Variants in CCBE1 observed in about 807,000 individuals in gnomAD.
CCBE1 encodes the protein collagen and calcium binding EGF domains 1.
In CCBE1, 37 loss-of-function variants were observed where a neutral mutation model predicts 50.0. That is an observed-to-expected ratio of 0.74 (90% CI 0.57 to 0.97). The LOEUF is 0.97. Among genes scored for constraint, CCBE1 ranks in the 50% least tolerant of loss-of-function variants. CCBE1 has a pLI of 0.00. For synonymous variants in CCBE1, 234 were observed against 203.7 expected (o/e 1.15, Z -1.27); for missense variants, 538 against 523.8 (o/e 1.03, Z -0.26).
intron 2 of CCBE1, among the ~76,000 whole-genome samples, chr18:59,509,069 G>A (rs981058490): frequency 6.6e-6 from 1 of 152,116 alleles, no homozygotes; most frequent in Non-Finnish European, 1.5e-5. Flanking sequence ...CTGGTTCTGA[G>A]AGCAAGCAGA....
At chr18:59,561,827 C>T (rs1373574199) in intron 2 of CCBE1, among the ~76,000 whole-genome samples, 1 of 152,156 alleles carries the variant, frequency 6.6e-6, no homozygotes, top group East Asian at 1.9e-4. Context: ...GTGAGGGCGG[C>T]CAGCTCAAGC....
intron 2 of CCBE1, among the ~76,000 whole-genome samples, chr18:59,665,594 G>A (rs2054342973): frequency 6.6e-6 from 1 of 152,138 alleles, no homozygotes; most frequent in Non-Finnish European, 1.5e-5. Context: ...AAACAACTGG[G>A]TATGACTTCA....
chr18:59,578,186 C>G (rs2053027672), intron 2 of CCBE1, among the ~76,000 whole-genome samples: 1 of 152,106 alleles, frequency 6.6e-6, no homozygotes, highest in African/African-American at 2.4e-5. Flanking sequence ...ATGCAGCCAA[C>G]AAACATGAGA....
chr18:59,448,086 G>A lies in CCBE1; in HGVS notation c.672C>T (p.Asn224=). The change falls in exon 7 of 11, where the codon AAC becomes AAT. Residue 224 remains asparagine, a synonymous_variant. Transcript: ENST00000439986. ...TATACTTGCCCAGGTCAGCTGCATT[G>A]TTGGGGAGCAGAGCAATCTGCAAGG... ...QLKQKIALLP[N]NAADLGKYIT... 8 of 1,614,132 alleles carry A rather than the reference G, an allele frequency of 5.0e-6. No homozygotes were observed. Among genetic ancestry groups the A allele is most frequent in the Non-Finnish European group, 6.8e-6 (8 of 1,180,040 alleles).
chr18:59,563,349 T>C (rs2052770800), intron 2 of CCBE1, among the ~76,000 whole-genome samples: 2 of 152,268 alleles, frequency 1.3e-5, no homozygotes, highest in South Asian at 4.1e-4. Context: ...TTGCTACTTG[T>C]GCATTCATTT....
chr18:59,447,083 G>T (rs898701053), intron 7 of CCBE1, among the ~76,000 whole-genome samples: 1 of 152,068 alleles, frequency 6.6e-6, no homozygotes, highest in African/African-American at 2.4e-5. Context: ...CTGATGAAAT[G>T]ATAGGATGTT....
intron 5 of CCBE1, among the ~76,000 whole-genome samples, chr18:59,455,579 G>T (rs564595204): frequency 3.9e-5 from 6 of 152,202 alleles, no homozygotes; most frequent in Non-Finnish European, 8.8e-5. Context: ...GTGCTCCATG[G>T]GCTTTTTGTA....
At chr18:59,566,626 G>A (rs2052832804) in intron 2 of CCBE1, among the ~76,000 whole-genome samples, 1 of 152,110 alleles carries the variant, frequency 6.6e-6, no homozygotes. Flanking sequence ...GTTCTGTTCT[G>A]GTGTAGATTG....
intron 5 of CCBE1, among the ~76,000 whole-genome samples, chr18:59,464,295 G>A (rs1911637706): frequency 6.6e-6 from 1 of 152,152 alleles, no homozygotes; most frequent in Middle Eastern, 3.2e-3. Context: ...GGGAGTGGTA[G>A]CAGGCACCTG....
chr18:59,680,826 G>C (rs140796886), intron 2 of CCBE1, among the ~76,000 whole-genome samples: 1 of 152,114 alleles, frequency 6.6e-6, no homozygotes, highest in African/African-American at 2.4e-5. Flanking sequence ...CCAAAGGAGC[G>C]TAGGTTAAAA....
intron 2 of CCBE1, among the ~76,000 whole-genome samples, chr18:59,499,351 G>A (rs1005846449): frequency 4.6e-5 from 7 of 152,118 alleles, no homozygotes; most frequent in Admixed American, 1.3e-4. Flanking sequence ...AGGTAGGGGG[G>A]CTTTCTGAAG....
chr18:59,441,802 C>T (rs1910437888), intron 7 of CCBE1, among the ~76,000 whole-genome samples: 2 of 152,150 alleles, frequency 1.3e-5, no homozygotes, highest in African/African-American at 4.8e-5. Flanking sequence ...TCAACAGTTA[C>T]TCAAAGTGAA....
chr18:59,481,234 T>G (rs1912556116), intron 2 of CCBE1, among the ~76,000 whole-genome samples: 1 of 152,060 alleles, frequency 6.6e-6, no homozygotes, highest in Non-Finnish European at 1.5e-5. Flanking sequence ...GGGGGAATGA[T>G]GCAGGAAATA....
chr18:59,555,284 T>C (rs1024793447), intron 2 of CCBE1, among the ~76,000 whole-genome samples: 3 of 152,208 alleles, frequency 2.0e-5, no homozygotes. Flanking sequence ...TCCTTAGCTC[T>C]CTTGGGAGGG....
At chr18:59,541,296 T>G (rs1426715608) in intron 2 of CCBE1, among the ~76,000 whole-genome samples, 1 of 152,214 alleles carries the variant, frequency 6.6e-6, no homozygotes, top group Non-Finnish European at 1.5e-5. Flanking sequence ...ACAAATGTTC[T>G]GATGATGGGA....
intron 2 of CCBE1, among the ~76,000 whole-genome samples, chr18:59,576,822 G>T (rs1423131946): frequency 6.6e-6 from 1 of 152,206 alleles, no homozygotes; most frequent in East Asian, 1.9e-4. Flanking sequence ...CTCAGACTGT[G>T]CCTTTCCCTA....
intron 2 of CCBE1, among the ~76,000 whole-genome samples, chr18:59,496,076 AT>A (rs1285439095): frequency 2.6e-5 from 4 of 151,984 alleles, no homozygotes; most frequent in Admixed American, 6.6e-5. Flanking sequence ...ACTTATCATA[AT>A]TTTTTTTCCT....
chr18:59,458,684 T>G (rs1455937680), intron 5 of CCBE1, among the ~76,000 whole-genome samples: 2 of 152,198 alleles, frequency 1.3e-5, no homozygotes, highest in African/African-American at 4.8e-5. Flanking sequence ...CTGGCCGTTT[T>G]GGAGGAGTGG....
intron 2 of CCBE1, among the ~76,000 whole-genome samples, chr18:59,484,972 G>A (rs1912746420): frequency 6.6e-6 from 1 of 152,188 alleles, no homozygotes; most frequent in Non-Finnish European, 1.5e-5. Context: ...GTGAAATCTT[G>A]TTACGCAAGC....
Sources: allele counts gnomAD v4.1 joint callset (sites outside exome capture counted in the v4.1 genomes callset), GRCh38; gene constraint gnomAD v4.1.1; transcripts MANE v1.5; gene names NCBI Gene and HGNC (gene_info 2026-07-23, HGNC 2026-07-21).